The following EYS variants were observed in gnomAD, a reference collection of about 807,000 sequenced individuals.
EYS encodes the protein protein eyes shut homolog.
EYS carries 250 observed loss-of-function variants against 282.1 expected under a neutral mutation model. The ratio of observed to expected loss-of-function variants is 0.89; its 90% confidence interval spans 0.80 to 0.98. The LOEUF is 0.98. Ranked by LOEUF, EYS falls within the 50% of genes least tolerant of loss-of-function variation. The pLI is 0.00. For synonymous variants in EYS, 1,355 were observed against 1,282.9 expected, an observed-to-expected ratio of 1.06 and a Z score of -1.20; for missense variants, 4,016 against 3,709.0, an observed-to-expected ratio of 1.08 and a Z score of -2.15.
chr6:64,800,948 T>C (rs543451418), intron 22 of EYS, among the ~76,000 whole-genome samples: 1 of 152,178 alleles, frequency 6.6e-6, no homozygotes, highest in East Asian at 1.9e-4. Context: ...TTAAGCACAA[T>C]AAAGTATTTA....
chr6:64,120,314 C>T (rs1309175663), intron 31 of EYS, among the ~76,000 whole-genome samples: 3 of 141,028 alleles, frequency 2.1e-5, no homozygotes, highest in Non-Finnish European at 4.5e-5. Flanking sequence ...GGAGATCGCA[C>T]CACTGCACTC....
chr6:65,147,291 C>T (rs895915372), intron 12 of EYS, among the ~76,000 whole-genome samples: 3 of 151,900 alleles, frequency 2.0e-5, no homozygotes, highest in Non-Finnish European at 4.4e-5. Flanking sequence ...TAAATATGCA[C>T]ACACATGTCA....
intron 36 of EYS, among the ~76,000 whole-genome samples, chr6:63,832,392 C>A (rs1425535959): frequency 1.3e-5 from 2 of 152,142 alleles, no homozygotes; most frequent in African/African-American, 4.8e-5. Context: ...GATATCACCA[C>A]CGATCCCACA....
intron 32 of EYS, among the ~76,000 whole-genome samples, chr6:64,080,994 G>T (rs1771946942): frequency 1.3e-5 from 2 of 151,914 alleles, no homozygotes; most frequent in South Asian, 4.2e-4. Context: ...GTAGCGTGAT[G>T]CCTCCAGCTT....
chr6:63,960,899 G>C (rs1418298500), intron 35 of EYS, among the ~76,000 whole-genome samples: 1 of 152,096 alleles, frequency 6.6e-6, no homozygotes, highest in Non-Finnish European at 1.5e-5. Flanking sequence ...TGTCATACTG[G>C]ATTTATTGCA....
chr6:64,143,560 G>A (rs536534194), intron 31 of EYS, among the ~76,000 whole-genome samples: 1 of 152,208 alleles, frequency 6.6e-6, no homozygotes, highest in South Asian at 2.1e-4. Flanking sequence ...TCAAATTTGA[G>A]ATGTCTTTGA....
intron 33 of EYS, among the ~76,000 whole-genome samples, chr6:64,064,303 T>A (rs1309045834): frequency 2.0e-5 from 3 of 152,296 alleles, no homozygotes; most frequent in African/African-American, 7.2e-5. Flanking sequence ...AAGAAACATT[T>A]GTTAAATGAA....
chr6:63,876,980 T>C (rs192068117), intron 35 of EYS, among the ~76,000 whole-genome samples: 2 of 152,342 alleles, frequency 1.3e-5, no homozygotes, highest in Admixed American at 1.3e-4. Context: ...TTAAGGTTAA[T>C]ATTGTTATGT....
At chr6:64,906,621 G>T (rs1238008008) in intron 16 of EYS, among the ~76,000 whole-genome samples, 1 of 152,104 alleles carries the variant, frequency 6.6e-6, no homozygotes, top group Admixed American at 6.5e-5. Flanking sequence ...TCAAGCGTAG[G>T]ATCCCAATTG....
At chr6:65,529,286 A>T (rs1180778818) in intron 2 of EYS, among the ~76,000 whole-genome samples, 3 of 152,156 alleles carry the variant, frequency 2.0e-5, no homozygotes, top group Non-Finnish European at 4.4e-5. Flanking sequence ...CTTCCTCATA[A>T]TTCTGTGTAA....
intron 31 of EYS, among the ~76,000 whole-genome samples, chr6:64,178,568 C>T (rs1445846442): frequency 2.6e-5 from 4 of 151,934 alleles, no homozygotes; most frequent in African/African-American, 9.7e-5. Flanking sequence ...TAGCACTGTG[C>T]CTGAGCATCA....
intron 26 of EYS, among the ~76,000 whole-genome samples, chr6:64,444,356 T>A (rs1036055772): frequency 9.2e-5 from 14 of 152,202 alleles, no homozygotes; most frequent in South Asian, 2.1e-4. Context: ...AGCTAATTTT[T>A]AAAATTTTTA....
At chr6:64,806,484 A>C (rs1182465855) in intron 22 of EYS, among the ~76,000 whole-genome samples, 1 of 152,080 alleles carries the variant, frequency 6.6e-6, no homozygotes, top group Admixed American at 6.6e-5. Context: ...AGAATATATA[A>C]TTTAAAATAA....
intron 29 of EYS, among the ~76,000 whole-genome samples, chr6:64,383,103 CAT>C (rs1319829689): frequency 1.3e-5 from 2 of 152,002 alleles, no homozygotes; most frequent in African/African-American, 4.8e-5. Flanking sequence ...GCCTGGGAAA[CAT>C]AGAGAAACCC....
intron 28 of EYS, among the ~76,000 whole-genome samples, chr6:64,392,370 C>G (rs370200204): frequency 4.0e-5 from 6 of 149,916 alleles, no homozygotes; most frequent in East Asian, 2.0e-4. Context: ...TGACCACATA[C>G]TTGGAAGTAA....
At chr6:64,925,887 A>G (rs537552456) in intron 15 of EYS, among the ~76,000 whole-genome samples, 11 of 152,238 alleles carry the variant, frequency 7.2e-5, no homozygotes, top group African/African-American at 2.2e-4. Flanking sequence ...CAGCCCCAGT[A>G]GGGTTCGGAG....
At chr6:65,107,721 C>A (rs945993645) in intron 12 of EYS, among the ~76,000 whole-genome samples, 7 of 151,752 alleles carry the variant, frequency 4.6e-5, no homozygotes, top group Admixed American at 3.9e-4. Flanking sequence ...AATATTCTGA[C>A]AATTTCTGCC....
chr6:65,264,197 AAAGTT>A (rs1217340333), intron 12 of EYS, among the ~76,000 whole-genome samples: 5 of 152,118 alleles, frequency 3.3e-5, no homozygotes, highest in African/African-American at 1.2e-4. Context: ...GAACCAATTT[AAAGTT>A]ATTTACCAGC....
intron 19 of EYS, among the ~76,000 whole-genome samples, chr6:64,834,191 T>A (rs1371065931): frequency 1.3e-5 from 2 of 151,818 alleles, no homozygotes; most frequent in East Asian, 3.9e-4. Context: ...ATGTTCTTTA[T>A]CGGAACCAAA....
Sources: allele counts gnomAD v4.1 joint callset (sites outside exome capture counted in the v4.1 genomes callset), GRCh38; gene constraint gnomAD v4.1.1; transcripts MANE v1.5; gene names NCBI Gene and HGNC (gene_info 2026-07-23, HGNC 2026-07-21).